The following TAMM41 variants were observed in gnomAD, a reference collection of about 807,000 sequenced individuals.
TAMM41 encodes the protein phosphatidate cytidylyltransferase, mitochondrial.
In TAMM41, 36 loss-of-function variants were observed where a neutral mutation model predicts 44.1. The observed-to-expected ratio is 0.82, with a 90% CI of 0.63 to 1.08. TAMM41 has a LOEUF of 1.08. Ranked by LOEUF, TAMM41 falls within the 50% of genes least tolerant of loss-of-function variation. The pLI, the probability that TAMM41 is intolerant of heterozygous loss-of-function variation, is 0.00. For missense variants in TAMM41, 417 were observed against 404.3 expected, an observed-to-expected ratio of 1.03 and a Z score of -0.27; for synonymous variants, 164 against 153.1, an observed-to-expected ratio of 1.07 and a Z score of -0.53.
intron 4 of TAMM41, among the ~76,000 whole-genome samples, chr3:11,824,732 T>C (rs1243425153): frequency 1.3e-5 from 2 of 152,178 alleles, no homozygotes; most frequent in Non-Finnish European, 2.9e-5. Context: ...CACATACTAT[T>C]GGAAGCATCC....
In TAMM41 at chr3:11,839,814, G is replaced by T. The variant is rs368981391; in HGVS notation, c.319-500C>A. On this transcript the variant is annotated intron_variant, in intron 2 of 7. Transcript: ENST00000455809. ...GGAAGGGCCTGAATTCTGCTAAAAT[G>T]TTGGGATAGTTTCTATGATGTCTTA... is the stretch of plus-strand genomic sequence containing the variant. Among the ~76,000 whole-genome samples the T allele has an allele frequency of 7.9e-5, 12 of 152,334 alleles. No individual in the cohort carries two copies. The South Asian group carries it at 1.2e-3, about 16-fold the overall frequency.
At chr3:11,772,465 C>T in the TAMM41 span, among the ~76,000 whole-genome samples, 3 of 152,082 alleles carry the variant, frequency 2.0e-5, no homozygotes, top group Admixed American at 6.6e-5. Flanking sequence ...CTAGCTGTTT[C>T]GGAGTTATTT....
chr3:11,779,004 G>A, the TAMM41 span, among the ~76,000 whole-genome samples: 1 of 152,100 alleles, frequency 6.6e-6, no homozygotes, highest in Non-Finnish European at 1.5e-5. Flanking sequence ...GCCCAACGTT[G>A]GAAATGGGGC....
intron 1 of TAMM41, 67 bp downstream of exon 1, chr3:11,846,435 G>A (rs1223055397): frequency 5.0e-6 from 8 of 1,590,830 alleles, no homozygotes; most frequent in African/African-American, 1.3e-5. Flanking sequence ...CGACTCTGAA[G>A]GAATCGAGGG....
downstream of TAMM41, among the ~76,000 whole-genome samples, chr3:11,785,832 G>A (rs146270905): frequency 0.012 from 1,745 of 151,732 alleles, 11 homozygotes; most frequent in Non-Finnish European, 0.016. Context: ...TTGTCCAGGC[G>A]GGCCTCAAAC....
chr3:11,767,069 G>A, the TAMM41 span, among the ~76,000 whole-genome samples: 2 of 151,890 alleles, frequency 1.3e-5, no homozygotes, highest in African/African-American at 4.8e-5. Context: ...ATTTGATGTA[G>A]AGTATCTTTT....
At chr3:11,754,011 T>G in the TAMM41 span, among the ~76,000 whole-genome samples, 19 of 152,158 alleles carry the variant, frequency 1.2e-4, no homozygotes, top group South Asian at 3.7e-3. Flanking sequence ...CCATCTCTGT[T>G]TTTTGCCAGC....
the TAMM41 span, among the ~76,000 whole-genome samples, chr3:11,723,095 C>A: frequency 1.3e-5 from 2 of 151,214 alleles, no homozygotes; most frequent in African/African-American, 4.9e-5. Context: ...TGTACTCCAG[C>A]CTAGGCGACA....
chr3:11,745,022 C>A, the TAMM41 span, among the ~76,000 whole-genome samples: 4 of 152,124 alleles, frequency 2.6e-5, no homozygotes, highest in Non-Finnish European at 5.9e-5. Flanking sequence ...CACCACCACA[C>A]TCGGTTAATT....
the TAMM41 span, among the ~76,000 whole-genome samples, chr3:11,754,263 C>A: frequency 2.0e-5 from 3 of 152,188 alleles, no homozygotes; most frequent in African/African-American, 7.2e-5. Context: ...GCTCAGCTAC[C>A]AACATGACCC....
At chr3:11,770,810 T>G in the TAMM41 span, among the ~76,000 whole-genome samples, 1 of 152,102 alleles carries the variant, frequency 6.6e-6, no homozygotes, top group East Asian at 1.9e-4. Flanking sequence ...AATAACAGAG[T>G]CTTCAAGATA....
At chr3:11,781,773 A>AATC in the TAMM41 span, among the ~76,000 whole-genome samples, 1 of 41,766 alleles carries the variant, frequency 2.4e-5, no homozygotes, top group African/African-American at 9.0e-5. Context: ...TAATAATAAT[A>AATC]ATAATAATCA....
the TAMM41 span, among the ~76,000 whole-genome samples, chr3:11,750,798 C>T: frequency 6.6e-6 from 1 of 152,160 alleles, no homozygotes; most frequent in Non-Finnish European, 1.5e-5. Flanking sequence ...TTTTATTGGT[C>T]AGGACTCTTT....
At chr3:11,839,934 C>T (rs1199604617) in intron 2 of TAMM41, among the ~76,000 whole-genome samples, 1 of 152,120 alleles carries the variant, frequency 6.6e-6, no homozygotes, top group African/African-American at 2.4e-5. Flanking sequence ...TAAGGTTGGT[C>T]TTTTGAGATG....
chr3:11,788,352 C>T (rs945201277), downstream of TAMM41, among the ~76,000 whole-genome samples: 70 of 152,178 alleles, frequency 4.6e-4, no homozygotes, highest in African/African-American at 1.4e-3. Context: ...TGGAATACAG[C>T]GGCACAATCA....
intron 2 of TAMM41, 141 bp from the exon 3 acceptor site, chr3:11,839,455 G>T: frequency 1.7e-6 from 1 of 582,888 alleles, no homozygotes; most frequent in Non-Finnish European, 3.0e-6. Flanking sequence ...CCTGACTTGT[G>T]AAAACACACA....
chr3:11,772,076 TTTC>T, the TAMM41 span, among the ~76,000 whole-genome samples: 3 of 147,766 alleles, frequency 2.0e-5, no homozygotes, highest in African/African-American at 4.9e-5. Context: ...TTTTTCTTTT[TTTC>T]TTTTTTTTTG....
At chr3:11,729,539 A>ATTTTTTTTTTTTTTTTTT in the TAMM41 span, among the ~76,000 whole-genome samples, 17 of 32,294 alleles carry the variant, frequency 5.3e-4, 1 homozygote, top group Admixed American at 1.6e-3. Context: ...TCTTTCTTTC[A>ATTTTTTTTTTTTTTTTTT]TTTTTTTTTT....
intron 1 of TAMM41, chr3:11,845,039 GGAAAGT>G (rs951453861): frequency 8.8e-6 from 4 of 455,272 alleles, no homozygotes; most frequent in Non-Finnish European, 1.8e-5. Context: ...CCGTGTTGGA[GGAAAGT>G]GCTCTGTGGA....
Sources: allele counts gnomAD v4.1 joint callset (sites outside exome capture counted in the v4.1 genomes callset), GRCh38; gene constraint gnomAD v4.1.1; transcripts MANE v1.5; gene names NCBI Gene and HGNC (gene_info 2026-07-23, HGNC 2026-07-21).